The following DRC11 variants were observed in gnomAD, a reference collection of about 807,000 sequenced individuals.
DRC11 encodes the protein dynein regulatory complex subunit 11, also known as IQ and AAA domain-containing protein 1.
the DRC11 span, among the ~76,000 whole-genome samples, chr2:236,422,452 T>C: frequency 8.5e-5 from 13 of 152,328 alleles, no homozygotes; most frequent in Middle Eastern, 6.8e-3. Flanking sequence ...CCATTCACAA[T>C]TGCTTCAAAG....
the DRC11 span, among the ~76,000 whole-genome samples, chr2:236,391,819 T>C: frequency 6.6e-6 from 1 of 152,174 alleles, no homozygotes; most frequent in African/African-American, 2.4e-5. The surrounding 1 kb of genome is among the most constrained non-coding windows in gnomAD (Gnocchi z 4.5). Context: ...AAAGGTTAAA[T>C]GGTGGACCAA....
the DRC11 span, among the ~76,000 whole-genome samples, chr2:236,421,986 G>A: frequency 3.9e-4 from 59 of 152,196 alleles, no homozygotes; most frequent in Non-Finnish European, 4.6e-4. Flanking sequence ...ATGCAGAAAA[G>A]GCCTTTGACA....
the DRC11 span, among the ~76,000 whole-genome samples, chr2:236,422,541 GAAAT>G: frequency 1.3e-5 from 2 of 152,164 alleles, no homozygotes; most frequent in African/African-American, 4.8e-5. Context: ...ACTGCTCAAT[GAAAT>G]AAAAGAGAAT....
At chr2:236,351,444 C>G in the DRC11 span, among the ~76,000 whole-genome samples, 1 of 152,118 alleles carries the variant, frequency 6.6e-6, no homozygotes, top group Admixed American at 6.6e-5. The surrounding 1 kb of genome is among the most constrained non-coding windows in gnomAD (Gnocchi z 7.3). Flanking sequence ...AGCCAGGGCA[C>G]AGGGTGAGGT....
the DRC11 span, among the ~76,000 whole-genome samples, chr2:236,328,757 T>C: frequency 6.6e-6 from 1 of 152,194 alleles, no homozygotes; most frequent in Non-Finnish European, 1.5e-5. This position sits in a 1 kb window ranked among gnomAD's most constrained non-coding sequence, Gnocchi z 6.7. Flanking sequence ...GTACAGAATA[T>C]AGTTAATGAA....
chr2:236,311,576 C>G, the DRC11 span, among the ~76,000 whole-genome samples: 1 of 152,170 alleles, frequency 6.6e-6, no homozygotes, highest in Non-Finnish European at 1.5e-5. This position sits in a 1 kb window ranked among gnomAD's most constrained non-coding sequence, Gnocchi z 6.9. Context: ...ACTGTGGTAG[C>G]AGAGGGTGGT....
At chr2:236,318,631 C>T in the DRC11 span, among the ~76,000 whole-genome samples, 3 of 146,350 alleles carry the variant, frequency 2.0e-5, no homozygotes, top group South Asian at 2.1e-4. The surrounding 1 kb of genome is among the most constrained non-coding windows in gnomAD (Gnocchi z 7.0). Context: ...GTGCATATAT[C>T]GTTTGTGTTT....
At chr2:236,327,437 G>A in the DRC11 span, among the ~76,000 whole-genome samples, 1 of 151,884 alleles carries the variant, frequency 6.6e-6, no homozygotes, top group Non-Finnish European at 1.5e-5. Context: ...TAGAGACAGG[G>A]TTTTGCCACG....
chr2:236,486,700 G>C, the DRC11 span: 1 of 669,990 alleles, frequency 1.5e-6, no homozygotes, highest in South Asian at 1.9e-5. The surrounding 1 kb of genome is among the most constrained non-coding windows in gnomAD (Gnocchi z 5.7). Flanking sequence ...TACCATATGG[G>C]TGACTCCATT....
chr2:236,455,749 G>A, the DRC11 span, among the ~76,000 whole-genome samples: 1 of 152,176 alleles, frequency 6.6e-6, no homozygotes, highest in Non-Finnish European at 1.5e-5. The surrounding 1 kb of genome is among the most constrained non-coding windows in gnomAD (Gnocchi z 5.7). Flanking sequence ...CATTTAAGCT[G>A]TATCTTAATT....
At chr2:236,345,105 A>ATG in the DRC11 span, among the ~76,000 whole-genome samples, 6 of 146,552 alleles carry the variant, frequency 4.1e-5, no homozygotes, top group Admixed American at 1.4e-4. Flanking sequence ...CTGGTTGTAA[A>ATG]CGTGCTTCCC....
the DRC11 span, among the ~76,000 whole-genome samples, chr2:236,357,040 CAT>C: frequency 4.5e-5 from 4 of 88,922 alleles, no homozygotes; most frequent in Non-Finnish European, 9.7e-5. Flanking sequence ...TTTATATATT[CAT>C]ATATTATATA....
chr2:236,359,456 T>G, the DRC11 span, among the ~76,000 whole-genome samples: 2 of 152,186 alleles, frequency 1.3e-5, no homozygotes, highest in Non-Finnish European at 2.9e-5. The surrounding 1 kb of genome is among the most constrained non-coding windows in gnomAD (Gnocchi z 4.3). Context: ...GCCACCTGCC[T>G]GAAGTGAGAA....
At chr2:236,502,619 A>G in the DRC11 span, among the ~76,000 whole-genome samples, 1 of 151,308 alleles carries the variant, frequency 6.6e-6, no homozygotes, top group Non-Finnish European at 1.5e-5. Flanking sequence ...GAGAAAAAAA[A>G]TGAAAGCAGA....
At chr2:236,506,459 C>G in the DRC11 span, among the ~76,000 whole-genome samples, 1 of 152,176 alleles carries the variant, frequency 6.6e-6, no homozygotes, top group African/African-American at 2.4e-5. The surrounding 1 kb of genome is among the most constrained non-coding windows in gnomAD (Gnocchi z 4.9). Context: ...ATTTCCAAAC[C>G]CTGGCAAGCC....
the DRC11 span, among the ~76,000 whole-genome samples, chr2:236,315,566 C>T: frequency 6.6e-6 from 1 of 152,142 alleles, no homozygotes; most frequent in Non-Finnish European, 1.5e-5. The surrounding 1 kb of genome is among the most constrained non-coding windows in gnomAD (Gnocchi z 5.1). Context: ...ATGTTCATTG[C>T]AGCACTATTC....
At chr2:236,388,694 A>C in the DRC11 span, among the ~76,000 whole-genome samples, 4 of 149,998 alleles carry the variant, frequency 2.7e-5, no homozygotes, top group East Asian at 3.9e-4. Flanking sequence ...GCTTTGTTCC[A>C]TTGCTGGTGA....
the DRC11 span, among the ~76,000 whole-genome samples, chr2:236,351,294 A>G: frequency 2.0e-5 from 3 of 151,282 alleles, no homozygotes; most frequent in Non-Finnish European, 4.4e-5. The surrounding 1 kb of genome is among the most constrained non-coding windows in gnomAD (Gnocchi z 7.3). Flanking sequence ...AGGGGCACCA[A>G]TGACAGAAAG....
chr2:236,356,913 T>C, the DRC11 span, among the ~76,000 whole-genome samples: 3 of 83,528 alleles, frequency 3.6e-5, no homozygotes, highest in African/African-American at 1.4e-4. Context: ...ATTTATATAT[T>C]ATATATATTC....
Sources: gnomAD v4.1 joint callset for allele counts (sites outside exome capture counted in the v4.1 genomes callset) on GRCh38, gnomAD v4.1.1 for gene constraint, Gnocchi (gnomAD v3.1) non-coding constraint, MANE v1.5 for transcripts, NCBI Gene and HGNC (gene_info 2026-07-23, HGNC 2026-07-21) for gene names.